Variants in LSM14B observed in about 807,000 individuals in gnomAD.
LSM14B encodes protein LSM14 homolog B.
In LSM14B, 8 loss-of-function variants were observed where a neutral mutation model predicts 42.1. The ratio of observed to expected loss-of-function variants is 0.19; its 90% confidence interval spans 0.11 to 0.34. LSM14B has a LOEUF of 0.34. LSM14B is among the 10% of genes least tolerant of loss of function. The pLI is 1.00. For missense variants in LSM14B, 396 were observed against 513.1 expected, an observed-to-expected ratio of 0.77 and a Z score of 2.21; for synonymous variants, 219 against 209.7, an observed-to-expected ratio of 1.04 and a Z score of -0.38.
At chr20:62,128,172 G>T (rs1270080269) in intron 3 of LSM14B, 1 of 335,768 alleles carries the variant, frequency 3.0e-6, no homozygotes, top group East Asian at 7.0e-5. Flanking sequence ...CAGGTGGACA[G>T]TATCAGCCTG....
At chr20:62,124,028 C>G (rs951440484) in intron 1 of LSM14B, among the ~76,000 whole-genome samples, 74 of 152,192 alleles carry the variant, frequency 4.9e-4, no homozygotes, top group Admixed American at 1.4e-3. Flanking sequence ...CTTGGGCGCT[C>G]CTGGAAGCCT....
chr20:62,124,895 T>TTC, intron 2 of LSM14B, 115 bp downstream of exon 2: 4 of 1,182,412 alleles, frequency 3.4e-6, no homozygotes, highest in South Asian at 1.7e-5. Flanking sequence ...TTTTTTTTTT[T>TTC]CTTTGAGGCA....
chr20:62,131,639 G>C, intron 7 of LSM14B, 133 bp downstream of exon 7: 2 of 1,152,212 alleles, frequency 1.7e-6, no homozygotes, highest in South Asian at 2.9e-5. Flanking sequence ...TTGCGTTTCT[G>C]CATGATGGGT....
Position 62,134,576 on chromosome 20 carries a change from C to G in LSM14B, c.*428C>G, listed in dbSNP as rs2056855391. ...TACATCTCTGTAACCCAGCTGGCCC[C>G]TGGTGCTGTTGGCCTGGCACCCCAC... On this transcript the variant is annotated 3_prime_UTR_variant, in exon 9 of 9. Coordinates refer to ENST00000279068, the MANE Select transcript of LSM14B (RefSeq NM_144703.3). 1 of 240,692 alleles carries G rather than the reference C, an allele frequency of 4.2e-6. No individual in the cohort carries two copies. Among genetic ancestry groups the G allele is most frequent in the Non-Finnish European group, 7.8e-6 (1 of 127,624 alleles). 14.9% of individuals were successfully genotyped at this position (240,692 alleles called of 1,614,324 possible).
At position 62,129,810 on chromosome 20, in the gene LSM14B, C is replaced by T. The variant is rs763185330; in HGVS notation, c.453C>T (p.Val151=). ...GAGCTGGTTTTCCATCCATCCCAGT[C>T]GGCAAGAGCCCCATGGTGGAGCAGG... ...GLGAGFPSIP[V]GKSPMVEQAV... The change falls in exon 4 of 9, where the codon GTC becomes GTT. Residue 151 remains valine (V), a synonymous_variant. Transcript: ENST00000279068. The T allele has an allele frequency of 2.0e-5, 33 of 1,610,684 alleles. No homozygotes were observed. Among genetic ancestry groups the T allele is most frequent in the Admixed American group, 1.3e-4 (8 of 59,520 alleles).
chr20:62,133,215 C>CTG, intron 7 of LSM14B, 75 bp from the exon 8 acceptor site: 2 of 1,557,446 alleles, frequency 1.3e-6, no homozygotes. Context: ...TTCCCTGGGC[C>CTG]GCTCTGAGGA....
Position 62,129,872 on chromosome 20 carries a change from A to G in LSM14B, c.515A>G (p.Lys172Arg). The change falls in exon 4 of 9, where the codon AAA becomes AGA. Residue 172 changes from lysine to arginine, a missense_variant. Coordinates refer to ENST00000279068, the MANE Select transcript of LSM14B (RefSeq NM_144703.3). Reference protein sequence around the residue: ...QTGSADNLNAKKLLPGKGTTG... With the variant: ...QTGSADNLNARKLLPGKGTTG... ...GGTTCTGCTGACAACCTGAATGCTA[A>G]AAAGCTGTTACCTGGCAAGGGCACC... 6.2e-7 allele frequency: 1 copy of G among 1,613,124 alleles called. No individual in the cohort carries two copies. Among genetic ancestry groups the G allele is most frequent in the Non-Finnish European group, 8.5e-7 (1 of 1,179,618 alleles).
intron 2 of LSM14B, 186 bp from the exon 3 acceptor site, chr20:62,126,118 C>A: frequency 1.4e-6 from 1 of 734,550 alleles, no homozygotes; most frequent in Non-Finnish European, 2.3e-6. Context: ...GAAACTGGAA[C>A]TGAAATGCTG....
At chr20:62,128,662 T>C (rs2145616988) in intron 3 of LSM14B, among the ~76,000 whole-genome samples, 1 of 152,284 alleles carries the variant, frequency 6.6e-6, no homozygotes, top group African/African-American at 2.4e-5. Flanking sequence ...AGGCAGGCAG[T>C]GCTGTGTTTG....
chr20:62,130,573 A>G lies in LSM14B; in HGVS notation c.717A>G (p.Pro239=), dbSNP rs749832502. 1.4e-5 allele frequency: 23 copies of G among 1,613,978 alleles called. No individual in the cohort carries two copies. The highest frequency in any genetic ancestry group is 1.9e-5 in the Non-Finnish European group (22 of 1,179,882). The part of the protein sequence containing the change: ...TRNRSRGQNR[P]TNVKENTIKF... ...ATCGCTCCAGAGGGCAAAACCGTCCAACTAACGTTAAGGAAAACACAATCA... is the reference window on the plus strand; with the variant it reads ...ATCGCTCCAGAGGGCAAAACCGTCCGACTAACGTTAAGGAAAACACAATCA... The change falls in exon 6 of 9, where the codon CCA becomes CCG. Residue 239 remains proline, a synonymous_variant. Coordinates refer to ENST00000279068, the MANE Select transcript of LSM14B (RefSeq NM_144703.3). This position sits in a 1 kb window ranked among gnomAD's most constrained non-coding sequence, Gnocchi z 4.1.
At position 62,126,453 on chromosome 20, in the gene LSM14B, TTCTG is replaced by T. The variant is rs368059943; in HGVS notation, c.427+19_427+22del. ...CCCTGGGTCTAGGTGAGTGACCTGT[TTCTG>T]TCTGGTAAACTACCCTTGCGTGTAA... On this transcript the variant is annotated intron_variant, in intron 3 of 8. Coordinates refer to ENST00000279068, the MANE Select transcript of LSM14B (RefSeq NM_144703.3). 3.0e-4 allele frequency: 479 copies of T among 1,605,110 alleles called. 3 individuals carry two copies. The African/African-American group carries it at 5.8e-3, about 20-fold the overall frequency.
rs1441165505 is a variant in LSM14B at position 62,130,366 on chromosome 20, C to T, written c.673+70C>T. Reference sequence around the variant, plus strand: ...GGCTGAGCTCTGCTTGCCCTCCTGCCTGCTTCTCTGGTTGACGGTTTCAGG... The same window carrying T: ...GGCTGAGCTCTGCTTGCCCTCCTGCTTGCTTCTCTGGTTGACGGTTTCAGG... On this transcript the variant is annotated intron_variant, in intron 5 of 8. Transcript: ENST00000279068. This position sits in a 1 kb window ranked among gnomAD's most constrained non-coding sequence, Gnocchi z 4.1. 7 of 1,541,952 alleles carry T rather than the reference C, an allele frequency of 4.5e-6. No individual in the cohort carries two copies. The highest frequency in any genetic ancestry group is 6.2e-6 in the Non-Finnish European group (7 of 1,136,954).
intron 7 of LSM14B, among the ~76,000 whole-genome samples, chr20:62,132,906 G>T (rs898062490): frequency 2.0e-5 from 3 of 152,068 alleles, no homozygotes; most frequent in Non-Finnish European, 2.9e-5. Context: ...ATCTATCCTA[G>T]CCTCCTCCTT....
At chr20:62,129,140 C>A in intron 3 of LSM14B, 2 of 487,546 alleles carry the variant, frequency 4.1e-6, no homozygotes, top group Non-Finnish European at 3.5e-6. Context: ...AGCCCCTTGC[C>A]AAAGGCTACC....
Position 62,133,128 on chromosome 20 carries a change from C to G in LSM14B, c.987-162C>G, listed in dbSNP as rs148166693. Among the ~76,000 whole-genome samples the G allele has an allele frequency of 1.6e-3, 242 of 152,332 alleles. 1 individual carries two copies. Among genetic ancestry groups the G allele is most frequent in the Non-Finnish European group, 1.7e-3 (116 of 68,022 alleles). ...TGGTTGGAAACGTGGCAGGGAGCAC[C>G]TGCAGTGCCGGAGCTGGGCTCCAGA... On this transcript the variant is annotated intron_variant, in intron 7 of 8. Coordinates refer to ENST00000279068, the MANE Select transcript of LSM14B (RefSeq NM_144703.3).
chr20:62,130,745 G>A lies in LSM14B; in HGVS notation c.835+54G>A. The A allele has an allele frequency of 6.4e-7, 1 of 1,563,418 alleles. No individual in the cohort carries two copies. The highest frequency in any genetic ancestry group is 8.7e-7 in the Non-Finnish European group (1 of 1,152,590). On this transcript the variant is annotated intron_variant, in intron 6 of 8. Transcript: ENST00000279068. The surrounding 1 kb of genome is among the most constrained non-coding windows in gnomAD (Gnocchi z 4.1). ...CTGCACAGGAGTACCCCTAGAGAGTGTTAGGAGGAGATGCCTGGCCGGGTG... is the reference window on the plus strand; with the variant it reads ...CTGCACAGGAGTACCCCTAGAGAGTATTAGGAGGAGATGCCTGGCCGGGTG...
Position 62,131,377 on chromosome 20 carries a change from A to G in LSM14B, c.857A>G (p.Glu286Gly). 6.2e-7 allele frequency: 1 copy of G among 1,605,106 alleles called. No homozygotes were observed. Among genetic ancestry groups the G allele is most frequent in the Non-Finnish European group, 8.5e-7 (1 of 1,175,380 alleles). The stretch of plus-strand genomic sequence containing the variant: ...GTAGATGACAAGGCTGAGAAGGGGG[A>G]AGAGAAGGACCTGGCTGTGGTGACC... ...NFKDDKAEKG[E>G]EKDLAVVTQS... The change falls in exon 7 of 9, where the codon GAA becomes GGA. Residue 286 changes from glutamate (E) to glycine (G), a missense_variant. By Grantham distance (98) the Glu-to-Gly change is moderately conservative (BLOSUM62 -2). Around this residue, in one of 3 missense-constraint regions of LSM14B, gnomAD observed 118 missense variants for 156.4 expected, o/e 0.75. Coordinates refer to ENST00000279068, the MANE Select transcript of LSM14B (RefSeq NM_144703.3).
chr20:62,123,071 G>C (rs1384799962), intron 1 of LSM14B: 1 of 176,746 alleles, frequency 5.7e-6, no homozygotes, highest in East Asian at 1.4e-4. Flanking sequence ...GCGCCCGGCG[G>C]TGTTTGGTGA....
intron 2 of LSM14B, 100 bp from the exon 3 acceptor site, chr20:62,126,204 T>C (rs2056595930): frequency 1.9e-6 from 3 of 1,568,882 alleles, no homozygotes; most frequent in African/African-American, 1.4e-5. Context: ...TGCAGGCTGA[T>C]GGGACGGTGC....
Sources: allele counts gnomAD v4.1 joint callset (sites outside exome capture counted in the v4.1 genomes callset), GRCh38; gene constraint gnomAD v4.1.1; regional missense constraint gnomAD v4.1.1; non-coding constraint Gnocchi (gnomAD v3.1); transcripts MANE v1.5; gene names NCBI Gene and HGNC (gene_info 2026-07-23, HGNC 2026-07-21).